Variants in NR3C1 observed in about 807,000 individuals in gnomAD.
The protein encoded by NR3C1 is glucocorticoid receptor.
In NR3C1, 14 loss-of-function variants were observed where a neutral mutation model predicts 74.0. The observed-to-expected ratio is 0.19, with a 90% CI of 0.12 to 0.30. NR3C1 has a LOEUF of 0.30. Among genes scored for constraint, NR3C1 ranks in the 10% least tolerant of loss-of-function variants. The probability of loss-of-function intolerance (pLI) is 1.00; values close to 1 mark genes in which losing one functional copy is unlikely to be tolerated. For missense variants in NR3C1, 695 were observed against 909.8 expected (o/e 0.76, Z 3.04); for synonymous variants, 308 against 332.5 (o/e 0.93, Z 0.80).
chr5:143,356,480 T>C (rs1262567945), intron 2 of NR3C1, among the ~76,000 whole-genome samples: 1 of 152,112 alleles, frequency 6.6e-6, no homozygotes, highest in Non-Finnish European at 1.5e-5. Context: ...CAAGCCCAAA[T>C]AGCAGAGCAA....
rs28392717 is a variant in NR3C1 at position 143,409,151 on chromosome 5, G to C, written c.-13-8299C>G. The C allele has an allele frequency of 4.3e-3, 651 of 152,268 alleles. 2 individuals carry two copies. Among genetic ancestry groups the C allele is most frequent in the African/African-American group, 0.015 (621 of 41,540 alleles). The allele number at this position is 152,268 out of a possible 1,614,324, so 9.4% of individuals were successfully genotyped here. A position where few individuals can be genotyped will look rare whatever the true frequency, so the allele number is the denominator to read the frequency against. ...AGTGACCATGGTTCCAGTGTTCAGC[G>C]CACCCTGGGCATCAATCCATTGTTT... On this transcript the variant is annotated intron_variant, in intron 1 of 8. Transcript: ENST00000343796.
In NR3C1 at chr5:143,411,656, T is replaced by C. The variant is rs185997056; in HGVS notation, c.-13-10804A>G. Among the ~76,000 whole-genome samples the C allele has an allele frequency of 3.1e-3, 477 of 152,340 alleles. 2 individuals are homozygous for C. The highest frequency in any genetic ancestry group is 0.011 in the African/African-American group (458 of 41,582). On this transcript the variant is annotated intron_variant, in intron 1 of 8. Transcript: ENST00000343796. ...GTTCTGTGAAAATCACATGGCCATA[T>C]AGAATTTACTATTAAGAGTGTTATA...
rs886060060 is a variant in NR3C1 at position 143,281,916 on chromosome 5, G to C, written c.2307C>G (p.Ile769Met). 1.9e-6 allele frequency: 3 copies of C among 1,613,394 alleles called. No homozygotes were observed. Among genetic ancestry groups the C allele is most frequent in the Non-Finnish European group, 2.5e-6 (3 of 1,179,600 alleles). Residue 769 changes from isoleucine (I) to methionine (M), a missense_variant, in exon 9 of 9, where the codon ATC becomes ATG. By Grantham distance (10) the Ile-to-Met change is conservative (BLOSUM62 1). Transcript: ENST00000394464. ...ACTTTTGATGAAACAGAAGTTTTTTGATATTTCCATTTGAATATTTTGGTA... is the reference window on the plus strand; with the variant it reads ...ACTTTTGATGAAACAGAAGTTTTTTCATATTTCCATTTGAATATTTTGGTA... ...NQIPKYSNGN[I>M]KKLLFHQK
chr5:143,418,334 T>C (rs1003893610), intron 1 of NR3C1, among the ~76,000 whole-genome samples: 2 of 152,218 alleles, frequency 1.3e-5, no homozygotes, highest in African/African-American at 4.8e-5. Flanking sequence ...GACTGGGTTT[T>C]GGTTTTGGCT....
intron 2 of NR3C1, among the ~76,000 whole-genome samples, chr5:143,334,531 A>G (rs1826696760): frequency 1.3e-5 from 2 of 152,096 alleles, no homozygotes; most frequent in African/African-American, 4.8e-5. Context: ...GCTTTGTTGC[A>G]TGTATCCTAG....
At chr5:143,332,419 G>A (rs1826169625) in intron 2 of NR3C1, among the ~76,000 whole-genome samples, 1 of 143,092 alleles carries the variant, frequency 7.0e-6, no homozygotes, top group Non-Finnish European at 1.5e-5. Flanking sequence ...GGGTGGGGGG[G>A]CGGGACAGCA....
At chr5:143,344,328 A>C (rs1040420835) in intron 2 of NR3C1, among the ~76,000 whole-genome samples, 1 of 152,196 alleles carries the variant, frequency 6.6e-6, no homozygotes, top group African/African-American at 2.4e-5. Flanking sequence ...AAACCAAACA[A>C]CCACCACATC....
At chr5:143,383,870 T>C (rs1304725773) in intron 2 of NR3C1, among the ~76,000 whole-genome samples, 1 of 152,220 alleles carries the variant, frequency 6.6e-6, no homozygotes, top group Non-Finnish European at 1.5e-5. Context: ...AATTTGGAAA[T>C]ATCTGTTAAA....
exon 1 of NR3C1, chr5:143,403,667 GGGGAGCGGGTGGAGGCGGCGCCA>G (rs1366349632): frequency 1.0e-6 from 1 of 985,492 alleles, no homozygotes; most frequent in Non-Finnish European, 1.2e-6. Flanking sequence ...GGGACCGAGC[GGGGAGCGGGTGGAGGCGGCGCCA>G]CGGCGCGCAC....
chr5:143,356,104 C>T (rs1831080461), intron 2 of NR3C1, among the ~76,000 whole-genome samples: 1 of 152,142 alleles, frequency 6.6e-6, no homozygotes, highest in Non-Finnish European at 1.5e-5. Context: ...TATTCCAATC[C>T]ACTTTCCATA....
At chr5:143,378,745 T>C (rs921643221) in intron 2 of NR3C1, among the ~76,000 whole-genome samples, 2 of 152,264 alleles carry the variant, frequency 1.3e-5, no homozygotes, top group African/African-American at 4.8e-5. Context: ...ATGACAACTA[T>C]GTTTAACACA....
intron 3 of NR3C1, among the ~76,000 whole-genome samples, chr5:143,312,715 G>GAA: frequency 6.6e-6 from 1 of 152,264 alleles, no homozygotes; most frequent in East Asian, 1.9e-4. Flanking sequence ...CATAAAAGTT[G>GAA]AAAAATCGTT....
At chr5:143,430,006 T>C (rs1180609930) in intron 1 of NR3C1, among the ~76,000 whole-genome samples, 2 of 150,744 alleles carry the variant, frequency 1.3e-5, no homozygotes, top group Non-Finnish European at 3.0e-5. Flanking sequence ...TGCTTGAGCC[T>C]GGGAGGTGGA....
chr5:143,386,892 C>G (rs1056270731), intron 2 of NR3C1, among the ~76,000 whole-genome samples: 7 of 152,224 alleles, frequency 4.6e-5, no homozygotes, highest in South Asian at 2.1e-4. Context: ...TACCCACCAT[C>G]TATCATCGTG....
chr5:143,344,201 A>C (rs967540869), intron 2 of NR3C1, among the ~76,000 whole-genome samples: 3 of 152,194 alleles, frequency 2.0e-5, no homozygotes, highest in Non-Finnish European at 4.4e-5. Flanking sequence ...TAGGTAAGAG[A>C]GAAAAAGTAG....
chr5:143,366,418 G>A (rs1833192520), intron 2 of NR3C1, among the ~76,000 whole-genome samples: 1 of 151,834 alleles, frequency 6.6e-6, no homozygotes, highest in Non-Finnish European at 1.5e-5. Context: ...GCTGAGGCAG[G>A]AGAATCTCTT....
At position 143,281,682 on chromosome 5, in the gene NR3C1, C is replaced by T. The variant is rs1245476385; in HGVS notation, c.*207G>A. Reference sequence around the variant, plus strand: ...TAATAAATTTCACCATCTACTCTCCCATCACTGAAAAGTGATGACGACTCA... The same window carrying T: ...TAATAAATTTCACCATCTACTCTCCTATCACTGAAAAGTGATGACGACTCA... On this transcript the variant is annotated 3_prime_UTR_variant, in exon 9 of 9. Coordinates refer to ENST00000394464, the MANE Select transcript of NR3C1 (RefSeq NM_000176.3). 5.4e-6 allele frequency: 3 copies of T among 551,314 alleles called. No homozygotes were observed. The East Asian group carries it at 9.4e-5, about 17-fold the overall frequency. The allele number at this position is 551,314 out of a possible 1,614,324, so 34.2% of individuals were successfully genotyped here. A position where few individuals can be genotyped will look rare whatever the true frequency, so the allele number is the denominator to read the frequency against.
intron 1 of NR3C1, among the ~76,000 whole-genome samples, chr5:143,433,452 T>A (rs1751947227): frequency 1.7e-5 from 2 of 119,696 alleles, no homozygotes; most frequent in Non-Finnish European, 3.4e-5. Flanking sequence ...TTTATTTAAA[T>A]TATATATATA....
rs6194 is a variant in NR3C1, at chr5:143,298,796, G to A, written c.1764C>T (p.His588=). Residue 588 remains histidine, a synonymous_variant, in exon 6 of 9, where the codon CAC becomes CAT. Transcript: ENST00000394464. ...AKAIPGFRNL[H]LDDQMTLLQY... ...GCAGTAGGGTCATTTGGTCATCCAGGTGTAAGTTCCTGAAACCTGAATTAA... is the reference window on the plus strand; with the variant it reads ...GCAGTAGGGTCATTTGGTCATCCAGATGTAAGTTCCTGAAACCTGAATTAA... 3.5e-3 allele frequency: 5,723 copies of A among 1,613,416 alleles called. 150 individuals carry two copies. The East Asian group carries it at 0.07, about 20-fold the overall frequency.
Sources: allele counts gnomAD v4.1 joint callset (sites outside exome capture counted in the v4.1 genomes callset), GRCh38; gene constraint gnomAD v4.1.1; transcripts MANE v1.5; gene names NCBI Gene and HGNC (gene_info 2026-07-23, HGNC 2026-07-21).